ABCB9: variants seen among roughly 807,000 people sequenced by gnomAD.
The protein encoded by ABCB9 is ABC-type oligopeptide transporter ABCB9.
In ABCB9, 36 loss-of-function variants were observed where a neutral mutation model predicts 62.0. The observed-to-expected ratio is 0.58, with a 90% CI of 0.45 to 0.77. The LOEUF is 0.77. Among genes scored for constraint, ABCB9 ranks in the 30% least tolerant of loss-of-function variants. The pLI is 0.00. For synonymous variants in ABCB9, 435 were observed against 461.4 expected (o/e 0.94, Z 0.73); for missense variants, 943 against 1,054.7 (o/e 0.89, Z 1.47).
In ABCB9 at chr12:122,959,286, A is replaced by C. The variant is rs2036766997; in HGVS notation, c.601+349T>G. Among the ~76,000 whole-genome samples the C allele has an allele frequency of 6.6e-6, 1 of 152,004 alleles. No homozygotes were observed. The highest frequency in any genetic ancestry group is 6.5e-5 in the Admixed American group (1 of 15,276). ...AGAATCACTTGAAGCTGGGAGGCAG[A>C]GGTTGCAGTGACCTGAGATTGTGCC... On this transcript the variant is annotated intron_variant, in intron 2 of 11. Transcript: ENST00000280560. This position sits in a 1 kb window ranked among gnomAD's most constrained non-coding sequence, Gnocchi z 5.4.
chr12:122,923,671 A>C (rs947885035), intron 11 of ABCB9, among the ~76,000 whole-genome samples: 1 of 152,180 alleles, frequency 6.6e-6, no homozygotes, highest in Non-Finnish European at 1.5e-5. Flanking sequence ...GGGCCCCCTG[A>C]CAGAGGAATT....
chr12:122,940,005 C>A lies in ABCB9; in HGVS notation c.1743+106G>T. ...TTGTAATTGGTGATAATTCTTTGAACTGTCCATTTATCTCTAGTGCCCTCT... is the reference window on the plus strand; with the variant it reads ...TTGTAATTGGTGATAATTCTTTGAAATGTCCATTTATCTCTAGTGCCCTCT... On this transcript the variant is annotated intron_variant, in intron 9 of 11. Coordinates refer to ENST00000280560, the MANE Select transcript of ABCB9 (RefSeq NM_019625.4). This position sits in a 1 kb window ranked among gnomAD's most constrained non-coding sequence, Gnocchi z 4.8. The A allele has an allele frequency of 7.3e-7, 1 of 1,377,092 alleles. No individual in the cohort carries two copies. Among genetic ancestry groups the A allele is most frequent in the South Asian group, 1.4e-5 (1 of 70,342 alleles). 85.3% of individuals were successfully genotyped at this position (1,377,092 alleles called of 1,614,324 possible). A position where few individuals can be genotyped will look rare whatever the true frequency, so the allele number is the denominator to read the frequency against.
chr12:122,930,009 C>T lies in ABCB9; in HGVS notation c.2203G>A (p.Ala735Thr), dbSNP rs372144621. The T allele has an allele frequency of 1.7e-5, 26 of 1,573,870 alleles. No individual in the cohort carries two copies. The highest frequency in any genetic ancestry group is 2.7e-5 in the African/African-American group (2 of 74,440). ...AGCATCTGCCGCTGCACCAGCTTGG[C>T]GTAGAGGCCGCCCTGGGCCAGCAGC... Reference protein sequence around the residue: ...QQLLAQGGLYAKLVQRQMLGL... With the variant: ...QQLLAQGGLYTKLVQRQMLGL... Residue 735 changes from alanine to threonine, a missense_variant, in exon 12 of 12, where the codon GCC becomes ACC. Ala to Thr is a moderately conservative substitution (Grantham distance 58, BLOSUM62 0). Coordinates refer to ENST00000280560, the MANE Select transcript of ABCB9 (RefSeq NM_019625.4). This position sits in a 1 kb window ranked among gnomAD's most constrained non-coding sequence, Gnocchi z 4.9.
rs758381822 is a variant in ABCB9, at chr12:122,944,509, A to T, written c.1262T>A (p.Leu421Gln). ...GTAGAGGATGCTGACCTGGACCACC[A>T]GCAGTGTGAGCTGGGGCAGAGGGAG... ...YYVWGSGLTL[L>Q]VVQVSILYYG... The change falls in exon 7 of 12, where the codon CTG becomes CAG. Residue 421 changes from leucine (L) to glutamine (Q), a missense_variant. Physicochemically the swap from Leu to Gln is moderately radical, Grantham distance 113. Coordinates refer to ENST00000280560, the MANE Select transcript of ABCB9 (RefSeq NM_019625.4). The surrounding 1 kb of genome is among the most constrained non-coding windows in gnomAD (Gnocchi z 4.9). 4 of 1,613,852 alleles carry T rather than the reference A, an allele frequency of 2.5e-6. No homozygotes were observed. In the Admixed American group the frequency reaches 6.7e-5, roughly 27 times the overall value.
At chr12:122,960,566 T>C (rs1206499502) in intron 1 of ABCB9, among the ~76,000 whole-genome samples, 1 of 152,100 alleles carries the variant, frequency 6.6e-6, no homozygotes, top group Non-Finnish European at 1.5e-5. Context: ...CCTGCTCTCC[T>C]GGAGATGACA....
At position 122,948,703 on chromosome 12, in the gene ABCB9, G is replaced by T; in HGVS notation, c.974C>A (p.Ser325Ter). The change falls in exon 5 of 12, where the codon TCA becomes TAA. Residue 325 changes from serine (S) to a stop codon, truncating the protein, a stop_gained. Coordinates refer to ENST00000280560, the MANE Select transcript of ABCB9 (RefSeq NM_019625.4). LOFTEE classifies it high-confidence loss of function. ...GAAGGTGACCAAGGAGAGCTGCCAT[G>T]AGAGGCTGAACATGAAGACCACCAC... ...TGVVVFMFSL[S>*]WQLSLVTFMG... 6.2e-7 allele frequency: 1 copy of T among 1,614,086 alleles called. No homozygotes were observed. Among genetic ancestry groups the T allele is most frequent in the Non-Finnish European group, 8.5e-7 (1 of 1,179,964 alleles).
chr12:122,945,549 G>A (rs765452161), intron 6 of ABCB9, among the ~76,000 whole-genome samples: 15 of 152,138 alleles, frequency 9.9e-5, no homozygotes, highest in South Asian at 4.1e-4. Context: ...GCCACCCCAC[G>A]TCAGGTGACT....
chr12:122,942,160 G>A (rs1470075977), intron 7 of ABCB9, among the ~76,000 whole-genome samples: 1 of 152,162 alleles, frequency 6.6e-6, no homozygotes, highest in Non-Finnish European at 1.5e-5. Flanking sequence ...GCCAGGATTT[G>A]AATCCAGGCC....
At position 122,939,040 on chromosome 12, in the gene ABCB9, C is replaced by T. The variant is rs141288617; in HGVS notation, c.1743+1071G>A. The stretch of plus-strand genomic sequence containing the variant: ...TACAAAAATTAGTCAGGCATGGTGA[C>T]GCACTCCTGTAATCCCAGCTACTAG... On this transcript the variant is annotated intron_variant, in intron 9 of 11. Transcript: ENST00000280560. Among the ~76,000 whole-genome samples the T allele has an allele frequency of 1.7e-4, 26 of 151,320 alleles. No homozygotes were observed. The East Asian group carries it at 4.5e-3, about 26-fold the overall frequency.
intron 2 of ABCB9, among the ~76,000 whole-genome samples, chr12:122,958,901 T>C (rs907994560): frequency 1.3e-5 from 2 of 151,720 alleles, no homozygotes; most frequent in African/African-American, 4.8e-5. Context: ...TGTCTTTTAC[T>C]TTTTCCTTTT....
chr12:122,950,722 G>T, intron 2 of ABCB9, 157 bp from the exon 3 acceptor site: 1 of 609,554 alleles, frequency 1.6e-6, no homozygotes, highest in Non-Finnish European at 2.9e-6. Flanking sequence ...TGGGGCCCCA[G>T]GGTGCTTAAT....
chr12:122,944,028 T>A lies in ABCB9; in HGVS notation c.1380+363A>T, dbSNP rs979410186. On this transcript the variant is annotated intron_variant, in intron 7 of 11. Coordinates refer to ENST00000280560, the MANE Select transcript of ABCB9 (RefSeq NM_019625.4). The surrounding 1 kb of genome is among the most constrained non-coding windows in gnomAD (Gnocchi z 4.9). ...ATCTCAGCTCACTGCAACCTCTGCCTCCAGGGTTCAAGCAATTCTCCTCTC... is the reference window on the plus strand; with the variant it reads ...ATCTCAGCTCACTGCAACCTCTGCCACCAGGGTTCAAGCAATTCTCCTCTC... Among the ~76,000 whole-genome samples the A allele has an allele frequency of 2.0e-5, 3 of 152,172 alleles. No homozygotes were observed. The highest frequency in any genetic ancestry group is 2.9e-5 in the Non-Finnish European group (2 of 68,036).
chr12:122,949,728 G>A, intron 4 of ABCB9, 60 bp downstream of exon 4: 1 of 1,604,272 alleles, frequency 6.2e-7, no homozygotes, highest in Non-Finnish European at 8.5e-7. Flanking sequence ...CTCAGTGCCA[G>A]GCAAGCCCAC....
chr12:122,924,336 C>T (rs561814702), downstream of ABCB9, among the ~76,000 whole-genome samples: 14 of 152,260 alleles, frequency 9.2e-5, no homozygotes, highest in South Asian at 4.1e-4. Flanking sequence ...CACTATGTTA[C>T]GGCATATCGA....
rs182649690 is a variant in ABCB9, at chr12:122,923,511, C to A, written c.2041-2468G>T. Among the ~76,000 whole-genome samples the A allele has an allele frequency of 1.7e-4, 26 of 151,986 alleles. No individual in the cohort carries two copies. In the East Asian group the frequency reaches 3.9e-3, roughly 23 times the overall value. On this transcript the variant is annotated intron_variant, in intron 11 of 11. Transcript: ENST00000344275. ...TCACTGTGTTAGCCAGGATGGTCTC[C>A]ATCTCCTGACCTCGTGATCCGCCCG...
At chr12:122,925,576 G>T (rs1269973268), downstream of ABCB9, among the ~76,000 whole-genome samples, 2 of 152,100 alleles carry the variant, frequency 1.3e-5, no homozygotes, top group African/African-American at 4.8e-5. Context: ...GTGAAACCCC[G>T]TCTCTACTAA....
In ABCB9 at chr12:122,959,970, A is replaced by G. The variant is rs2036807985; in HGVS notation, c.266T>C (p.Val89Ala). Residue 89 changes from valine to alanine, a missense_variant, in exon 2 of 12, where the codon GTG (valine) becomes GCG (alanine). Val to Ala is a moderately conservative substitution (Grantham distance 64). Transcript: ENST00000280560. The surrounding 1 kb of genome is among the most constrained non-coding windows in gnomAD (Gnocchi z 5.4). ...LRASWLVITL[V>A]CLFVGIYAMV... is the part of the protein sequence containing the mutation. ...GGCATAGATGCCCACGAAGAGGCAC[A>G]CGAGGGTGATGACCAGCCACGAGGC... The G allele has an allele frequency of 6.2e-7, 1 of 1,613,080 alleles. No homozygotes were observed. Among genetic ancestry groups the G allele is most frequent in the African/African-American group, 1.3e-5 (1 of 74,946 alleles).
At chr12:122,926,040 C>T (rs2034894475), downstream of ABCB9, among the ~76,000 whole-genome samples, 1 of 152,172 alleles carries the variant, frequency 6.6e-6, no homozygotes, top group South Asian at 2.1e-4. Flanking sequence ...AGGGGCCAAT[C>T]TGCAGAGCCA....
Position 122,947,333 on chromosome 12 carries a change from C to T in ABCB9, c.1054-1111G>A, listed in dbSNP as rs1037119015. The T allele has an allele frequency of 7.7e-5, 20 of 259,404 alleles. No homozygotes were observed. Among genetic ancestry groups the T allele is most frequent in the South Asian group, 4.2e-4 (14 of 32,990 alleles). 16.1% of individuals were successfully genotyped at this position (259,404 alleles called of 1,614,324 possible). ...TGGGGAGGCTCGTGACCAGGAACTT[C>T]GGGAAGAGGTCCTACCTGTGTGGCT... On this transcript the variant is annotated intron_variant, in intron 5 of 11. Coordinates refer to ENST00000280560, the MANE Select transcript of ABCB9 (RefSeq NM_019625.4). The surrounding 1 kb of genome is among the most constrained non-coding windows in gnomAD (Gnocchi z 6.0).
Sources: allele counts gnomAD v4.1 joint callset (sites outside exome capture counted in the v4.1 genomes callset), GRCh38; gene constraint gnomAD v4.1.1; non-coding constraint Gnocchi (gnomAD v3.1); transcripts MANE v1.5; gene names NCBI Gene and HGNC (gene_info 2026-07-23, HGNC 2026-07-21).